TIPARP: variants seen among roughly 807,000 people sequenced by gnomAD.
TIPARP encodes TCDD inducible poly(ADP-ribose) polymerase.
TIPARP carries 12 observed loss-of-function variants against 56.5 expected under a neutral mutation model. The ratio of observed to expected loss-of-function variants is 0.21; its 90% confidence interval spans 0.14 to 0.34. TIPARP has a LOEUF of 0.34. Ranked by LOEUF, TIPARP falls within the 10% of genes least tolerant of loss-of-function variation. The pLI is 1.00. For synonymous variants in TIPARP, 296 were observed against 265.7 expected (o/e 1.11, Z -1.11); for missense variants, 604 against 781.6 (o/e 0.77, Z 2.71).
chr3:156,675,309 G>T (rs902737814), intron 1 of TIPARP: 1 of 152,432 alleles, frequency 6.6e-6, no homozygotes, highest in Admixed American at 6.5e-5. Context: ...CCCCGCCGCC[G>T]CGGGAAGCGC....
intron 2 of TIPARP, among the ~76,000 whole-genome samples, chr3:156,691,432 T>A (rs1577038410): frequency 6.6e-6 from 1 of 152,328 alleles, no homozygotes; most frequent in East Asian, 1.9e-4. Flanking sequence ...CTTCTTTGGC[T>A]TACATTTTGT....
At chr3:156,698,029 G>C (rs1326387483) in intron 4 of TIPARP, among the ~76,000 whole-genome samples, 1 of 152,196 alleles carries the variant, frequency 6.6e-6, no homozygotes, top group Non-Finnish European at 1.5e-5. Flanking sequence ...CAGCCTTCTT[G>C]CTAATATAGA....
intron 4 of TIPARP, among the ~76,000 whole-genome samples, chr3:156,702,331 G>T (rs763136621): frequency 1.3e-5 from 2 of 152,088 alleles, no homozygotes; most frequent in Non-Finnish European, 2.9e-5. Context: ...TTTGAAAAGT[G>T]GGAATAACCA....
intron 2 of TIPARP, among the ~76,000 whole-genome samples, chr3:156,688,100 CCT>C (rs1722473999): frequency 6.6e-6 from 1 of 152,004 alleles, no homozygotes; most frequent in Admixed American, 6.6e-5. Flanking sequence ...AGAATTTTAA[CCT>C]CTGAGGCTGG....
intron 4 of TIPARP, among the ~76,000 whole-genome samples, chr3:156,701,124 A>G (rs1318674834): frequency 6.6e-6 from 1 of 152,230 alleles, no homozygotes; most frequent in Non-Finnish European, 1.5e-5. Context: ...AAAAGTAAGC[A>G]TCTATGGGTT....
At chr3:156,692,660 G>T (rs1722605290) in intron 2 of TIPARP, among the ~76,000 whole-genome samples, 1 of 152,072 alleles carries the variant, frequency 6.6e-6, no homozygotes, top group Non-Finnish European at 1.5e-5. Context: ...TTATATGGTT[G>T]TTTTTTCAGT....
chr3:156,694,348 TTC>T (rs1367101376), intron 3 of TIPARP, among the ~76,000 whole-genome samples, 160 bp downstream of exon 3: 1 of 152,214 alleles, frequency 6.6e-6, no homozygotes, highest in Non-Finnish European at 1.5e-5. Flanking sequence ...AAGAAAACTT[TTC>T]TCTTTTTCTT....
At position 156,686,072 on chromosome 3, in the gene TIPARP, C is replaced by T. The variant is rs142840896; in HGVS notation, c.917+7458C>T. Reference sequence around the variant, plus strand: ...GTTTGCCTTCTAAGGTTTAATTACTCATCCTAATAAAAGAAAGACATCCTT... The same window carrying T: ...GTTTGCCTTCTAAGGTTTAATTACTTATCCTAATAAAAGAAAGACATCCTT... On this transcript the variant is annotated intron_variant, in intron 2 of 5. Transcript: ENST00000295924. Among the ~76,000 whole-genome samples, 3 of 152,250 alleles carry T rather than the reference C, an allele frequency of 2.0e-5. No homozygotes were observed. The East Asian group carries it at 5.8e-4, about 29-fold the overall frequency.
chr3:156,688,563 A>G (rs972822609), intron 2 of TIPARP, among the ~76,000 whole-genome samples: 2 of 151,930 alleles, frequency 1.3e-5, no homozygotes, highest in Non-Finnish European at 2.9e-5. Context: ...AGAATAAACA[A>G]TAGTTTTGCT....
Position 156,705,376 on chromosome 3 carries a change from ACT to A in TIPARP, c.*248_*249del, listed in dbSNP as rs752441256. On this transcript the variant is annotated 3_prime_UTR_variant, in exon 6 of 6. Transcript: ENST00000295924. ...GTGTGGAAAAGACTACAGATTACAC[ACT>A]CTTTTCATTCACACTTGTACATATA... 5.0e-5 allele frequency: 18 copies of A among 363,578 alleles called. No individual in the cohort carries two copies. The highest frequency in any genetic ancestry group is 7.0e-5 in the Non-Finnish European group (14 of 200,912). The allele number at this position is 363,578 out of a possible 1,614,324, so 22.5% of individuals were successfully genotyped here.
At chr3:156,676,376 T>C (rs553411700) in intron 1 of TIPARP, among the ~76,000 whole-genome samples, 22 of 152,394 alleles carry the variant, frequency 1.4e-4, no homozygotes, top group Admixed American at 1.4e-3. Flanking sequence ...ATGGACTTCT[T>C]ACACATAGAT....
chr3:156,692,321 A>C (rs1397490892), intron 2 of TIPARP, among the ~76,000 whole-genome samples: 1 of 152,158 alleles, frequency 6.6e-6, no homozygotes, highest in Non-Finnish European at 1.5e-5. Context: ...TAGGCATAGG[A>C]GTTCCAGTTT....
intron 2 of TIPARP, among the ~76,000 whole-genome samples, chr3:156,682,646 C>T (rs1722336576): frequency 6.6e-6 from 1 of 152,110 alleles, no homozygotes; most frequent in South Asian, 2.1e-4. Flanking sequence ...TTAAATTAGC[C>T]AAGTTAGCTC....
rs77342896 is a variant in TIPARP, at chr3:156,689,600, A to G, written c.918-4420A>G. On this transcript the variant is annotated intron_variant, in intron 2 of 5. Coordinates refer to ENST00000295924, the MANE Select transcript of TIPARP (RefSeq NM_015508.5). ...AATTCACTGGTGTTTCCTACTGCCC[A>G]TAGAATCAAGACCTAACTTCTTAAC... 2.1e-3 allele frequency among the ~76,000 whole-genome samples: 325 copies of G among 152,340 alleles called. 5 individuals are homozygous for G. In the East Asian group the frequency reaches 0.048, roughly 23 times the overall value.
chr3:156,692,216 G>T (rs950843992), intron 2 of TIPARP, among the ~76,000 whole-genome samples: 7 of 152,106 alleles, frequency 4.6e-5, no homozygotes, highest in African/African-American at 1.7e-4. Flanking sequence ...AATCTTAACA[G>T]GGAGAAAGTT....
chr3:156,696,338 C>G (rs1289866012), intron 4 of TIPARP, among the ~76,000 whole-genome samples: 1 of 152,092 alleles, frequency 6.6e-6, no homozygotes, highest in East Asian at 1.9e-4. Flanking sequence ...TTTTTTCCTT[C>G]CATGAAACTA....
chr3:156,699,623 T>A (rs1022024975), intron 4 of TIPARP, among the ~76,000 whole-genome samples: 2 of 152,282 alleles, frequency 1.3e-5, no homozygotes, highest in South Asian at 2.1e-4. Flanking sequence ...TACTAAAAAA[T>A]TGTATTACTC....
chr3:156,696,206 T>C (rs190972131), intron 4 of TIPARP, among the ~76,000 whole-genome samples, 181 bp downstream of exon 4: 1 of 152,292 alleles, frequency 6.6e-6, no homozygotes, highest in Admixed American at 6.5e-5. Context: ...CTACAATAAA[T>C]CCAGTTACAC....
rs766612770 is a variant in TIPARP at position 156,695,911 on chromosome 3, A to C, written c.1133A>C (p.Glu378Ala). Residue 378 changes from glutamate (E) to alanine (A), a missense_variant, in exon 4 of 6, where the codon GAG (glutamate) becomes GCG (alanine). Around this residue, in one of 4 missense-constraint regions of TIPARP, gnomAD observed 252 missense variants for 303.9 expected, o/e 0.83. Coordinates refer to ENST00000295924, the MANE Select transcript of TIPARP (RefSeq NM_015508.5). ...IEEANSRGLK[E>A]VRFMMWNNHY... is the part of the protein sequence containing the mutation. ...GAAGCCAACTCTCGGGGTCTGAAAG[A>C]GGTTCGATTTATGATGTGGAATAAC... is the stretch of plus-strand genomic sequence containing the variant. 3.1e-6 allele frequency: 5 copies of C among 1,607,258 alleles called. No homozygotes were observed. In the East Asian group the frequency reaches 9.0e-5, roughly 29 times the overall value.
Sources: gnomAD v4.1 joint callset for allele counts (sites outside exome capture counted in the v4.1 genomes callset) on GRCh38, gnomAD v4.1.1 for gene constraint, gnomAD v4.1.1 regional missense constraint, MANE v1.5 for transcripts, NCBI Gene and HGNC (gene_info 2026-07-23, HGNC 2026-07-21) for gene names.